FBXO38: variants seen among roughly 807,000 people sequenced by gnomAD.
FBXO38 encodes F-box only protein 38.
Under a neutral mutation model 131.9 loss-of-function variants are expected in FBXO38, and 53 were observed. The ratio of observed to expected loss-of-function variants is 0.40; its 90% CI spans 0.32 to 0.51. FBXO38 has a LOEUF of 0.51. FBXO38 is among the 20% of genes least tolerant of loss of function. The probability of loss-of-function intolerance (pLI) is 0.53; values close to 1 mark genes in which losing one functional copy is unlikely to be tolerated. For synonymous variants in FBXO38, 452 were observed against 505.6 expected (o/e 0.89, Z 1.42); for missense variants, 1,076 against 1,475.6 (o/e 0.73, Z 4.44).
intron 9 of FBXO38, among the ~76,000 whole-genome samples, chr5:148,412,555 G>A (rs1311229370): frequency 6.6e-6 from 1 of 152,082 alleles, no homozygotes; most frequent in Non-Finnish European, 1.5e-5. Flanking sequence ...TGATCTGTAA[G>A]CTTTATATAA....
chr5:148,408,491 TAATTA>T (rs1366498297), intron 7 of FBXO38, among the ~76,000 whole-genome samples: 2 of 152,228 alleles, frequency 1.3e-5, no homozygotes, highest in Non-Finnish European at 2.9e-5. Flanking sequence ...ATAGAATGGA[TAATTA>T]AATTGTGGCA....
At chr5:148,441,073 G>T in intron 20 of FBXO38, 51 bp from the exon 21 acceptor site, 2 of 1,194,556 alleles carry the variant, frequency 1.7e-6, no homozygotes, top group Non-Finnish European at 2.5e-6. Flanking sequence ...TGCAGAATTT[G>T]GCTCTGTCAG....
intron 13 of FBXO38, 53 bp downstream of exon 13, chr5:148,424,170 T>C: frequency 1.3e-6 from 2 of 1,562,050 alleles, no homozygotes; most frequent in South Asian, 2.4e-5. Context: ...GGCCTAACTG[T>C]AATGAAGTAC....
intron 10 of FBXO38, 98 bp downstream of exon 10, chr5:148,414,404 A>G: frequency 8.9e-7 from 1 of 1,123,152 alleles, no homozygotes; most frequent in Non-Finnish European, 1.2e-6. Context: ...TCCTAATGTA[A>G]AATGTAGGTA....
chr5:148,413,061 A>G (rs547024826), intron 9 of FBXO38, among the ~76,000 whole-genome samples: 1 of 152,246 alleles, frequency 6.6e-6, no homozygotes, highest in South Asian at 2.1e-4. Context: ...GGTTTACCCT[A>G]TCTTAAGGAA....
At chr5:148,440,602 G>T (rs1754622693) in intron 20 of FBXO38, 75 bp downstream of exon 20, 4 of 850,040 alleles carry the variant, frequency 4.7e-6, no homozygotes, top group Non-Finnish European at 7.3e-6. Context: ...CGACTCAGGA[G>T]GCTGAGGTGG....
rs1456600797 is a variant in FBXO38 at position 148,386,191 on chromosome 5, A to C, written c.-64+2152A>C. On this transcript the variant is annotated intron_variant, in intron 1 of 21. Coordinates refer to ENST00000340253, the MANE Select transcript of FBXO38 (RefSeq NM_205836.3). The stretch of plus-strand genomic sequence containing the variant: ...GGGTGTGGTCAGATGCAGTTCTATC[A>C]GAGCATCTAGAAGCCTTTCTCCAAG... Among the ~76,000 whole-genome samples the C allele has an allele frequency of 3.9e-5, 6 of 152,334 alleles. No individual in the cohort carries two copies. The East Asian group carries it at 1.2e-3, about 29-fold the overall frequency.
chr5:148,430,650 C>A (rs955758329), intron 15 of FBXO38: 1 of 151,980 alleles, frequency 6.6e-6, no homozygotes, highest in Non-Finnish European at 1.5e-5. Context: ...TTTAATCCGG[C>A]ATGTTTTTTA....
rs553996394 is a variant in FBXO38 at position 148,425,542 on chromosome 5, G to A, written c.1759G>A (p.Val587Ile). The A allele has an allele frequency of 8.1e-6, 13 of 1,613,524 alleles. No homozygotes were observed. The highest frequency in any genetic ancestry group is 6.7e-5 in the African/African-American group (5 of 74,990). Residue 587 changes from valine (V) to isoleucine (I), a missense_variant, in exon 14 of 22, where the codon GTA becomes ATA. Val to Ile is a conservative substitution (Grantham distance 29). This residue lies in a region of FBXO38 where 212 missense variants were observed against 221.2 expected (regional missense o/e 0.96). Transcript: ENST00000340253. ...TTAAGGACCCAGTGGTCTTCAGCGT[G>A]TAGTAAAACCAACCTCAATTACTGT... ...EQAGPSGLQR[V>I]VKPTSITVHD...
At chr5:148,422,715 A>T (rs1338207725) in intron 12 of FBXO38, among the ~76,000 whole-genome samples, 2 of 152,232 alleles carry the variant, frequency 1.3e-5, no homozygotes, top group African/African-American at 4.8e-5. Context: ...TGCACAGGCT[A>T]TTCTGGCAAC....
At chr5:148,421,692 C>T (rs1753445654) in intron 12 of FBXO38, among the ~76,000 whole-genome samples, 1 of 152,050 alleles carries the variant, frequency 6.6e-6, no homozygotes, top group Non-Finnish European at 1.5e-5. Flanking sequence ...AGATGTACTA[C>T]CTTAATGATA....
chr5:148,416,684 G>A (rs957089430), intron 11 of FBXO38: 13 of 343,296 alleles, frequency 3.8e-5, no homozygotes, highest in Non-Finnish European at 7.0e-5. Flanking sequence ...ATATAATGGG[G>A]AAAGCTCAGG....
chr5:148,409,973 A>G (rs1752656102), intron 8 of FBXO38, among the ~76,000 whole-genome samples: 1 of 152,254 alleles, frequency 6.6e-6, no homozygotes, highest in Admixed American at 6.5e-5. Context: ...CTTCAGGTTT[A>G]GTAAAGCACT....
At chr5:148,412,904 C>T (rs1752842480) in intron 9 of FBXO38, among the ~76,000 whole-genome samples, 1 of 151,970 alleles carries the variant, frequency 6.6e-6, no homozygotes, top group Admixed American at 6.6e-5. Context: ...GTAATATCAT[C>T]AGGATTTTGA....
chr5:148,433,197 G>A, intron 15 of FBXO38: 1 of 422,546 alleles, frequency 2.4e-6, no homozygotes, highest in Non-Finnish European at 4.3e-6. Context: ...GGATGACCTA[G>A]GCATGAGAAG....
intron 1 of FBXO38, among the ~76,000 whole-genome samples, chr5:148,384,361 C>G (rs181803430): frequency 6.6e-6 from 1 of 152,154 alleles, no homozygotes; most frequent in African/African-American, 2.4e-5. Flanking sequence ...GTGACTGTCT[C>G]CCACCCCGGG....
At chr5:148,389,502 A>G (rs1027940045) in intron 1 of FBXO38, among the ~76,000 whole-genome samples, 1 of 152,210 alleles carries the variant, frequency 6.6e-6, no homozygotes, top group Non-Finnish European at 1.5e-5. Context: ...AATGCCGATA[A>G]CTGGACTTTC....
chr5:148,411,007 C>T, intron 9 of FBXO38: 1 of 412,314 alleles, frequency 2.4e-6, no homozygotes, highest in South Asian at 4.2e-5. Flanking sequence ...GAAAAAGAAC[C>T]TTATCTACAT....
At chr5:148,411,951 T>C (rs1441534938) in intron 9 of FBXO38, among the ~76,000 whole-genome samples, 2 of 152,174 alleles carry the variant, frequency 1.3e-5, no homozygotes, top group Non-Finnish European at 2.9e-5. Context: ...TTTTCTATTT[T>C]TCCCAAAAGC....
Sources: gnomAD v4.1 joint callset for allele counts (sites outside exome capture counted in the v4.1 genomes callset) on GRCh38, gnomAD v4.1.1 for gene constraint, gnomAD v4.1.1 regional missense constraint, MANE v1.5 for transcripts, NCBI Gene and HGNC (gene_info 2026-07-23, HGNC 2026-07-21) for gene names.